The following PSD3 variants were observed in gnomAD, a reference collection of about 807,000 sequenced individuals.
The protein encoded by PSD3 is pleckstrin and Sec7 domain containing 3.
A neutral mutation model predicts 105.5 loss-of-function variants in PSD3; 49 were observed. The ratio of observed to expected loss-of-function variants is 0.46; its 90% CI spans 0.37 to 0.59. The LOEUF is 0.59. Among genes scored for constraint, PSD3 ranks in the 20% least tolerant of loss-of-function variants. The probability of loss-of-function intolerance (pLI) is 0.00; values close to 1 mark genes in which losing one functional copy is unlikely to be tolerated. For missense variants in PSD3, 1,561 were observed against 1,263.8 expected, an observed-to-expected ratio of 1.24 and a Z score of -3.57; for synonymous variants, 557 against 457.8, an observed-to-expected ratio of 1.22 and a Z score of -2.77.
At chr8:19,075,063 G>A (rs964563958) in intron 1 of PSD3, among the ~76,000 whole-genome samples, 1 of 151,286 alleles carries the variant, frequency 6.6e-6, no homozygotes, top group Non-Finnish European at 1.5e-5. Flanking sequence ...TTCCTGCCTC[G>A]GCCTCCCAAG....
intron 11 of PSD3, among the ~76,000 whole-genome samples, chr8:18,609,716 G>C (rs1031123067): frequency 6.6e-6 from 1 of 152,206 alleles, no homozygotes; most frequent in African/African-American, 2.4e-5. Flanking sequence ...CAATTGATGT[G>C]CAAAGAATTT....
chr8:18,833,211 A>G (rs1813818156), intron 4 of PSD3, among the ~76,000 whole-genome samples: 1 of 152,230 alleles, frequency 6.6e-6, no homozygotes, highest in Admixed American at 6.5e-5. Context: ...CAGGCAAGAT[A>G]ACAAGACATA....
intron 1 of PSD3, among the ~76,000 whole-genome samples, chr8:18,998,835 T>C (rs1049046011): frequency 1.3e-5 from 2 of 152,000 alleles, no homozygotes; most frequent in African/African-American, 2.4e-5. Flanking sequence ...ATAGTTATGA[T>C]ACATAAATTC....
At chr8:18,661,165 C>G (rs1809319167) in intron 9 of PSD3, among the ~76,000 whole-genome samples, 1 of 152,128 alleles carries the variant, frequency 6.6e-6, no homozygotes, top group African/African-American at 2.4e-5. Flanking sequence ...CATCTCTAAA[C>G]TCCAATGAAT....
chr8:18,929,045 A>T (rs117657706), intron 2 of PSD3, among the ~76,000 whole-genome samples: 6,111 of 152,262 alleles, frequency 0.04, 177 homozygotes, highest in South Asian at 0.063. Context: ...GCACAATTCT[A>T]TGAACGTACT....
intron 1 of PSD3, among the ~76,000 whole-genome samples, chr8:19,011,140 T>C (rs1826932206): frequency 6.6e-6 from 1 of 152,024 alleles, no homozygotes; most frequent in African/African-American, 2.4e-5. Context: ...CCAAAGACAC[T>C]CTTTTCATAA....
At chr8:18,614,101 T>A (rs968553375) in intron 11 of PSD3, among the ~76,000 whole-genome samples, 15 of 152,194 alleles carry the variant, frequency 9.9e-5, no homozygotes, top group Admixed American at 7.9e-4. Flanking sequence ...GTTTGTCATC[T>A]CTTCTTAGTT....
intron 11 of PSD3, among the ~76,000 whole-genome samples, chr8:18,622,264 C>T (rs148575262): frequency 2.0e-5 from 3 of 152,232 alleles, no homozygotes; most frequent in Non-Finnish European, 2.9e-5. Flanking sequence ...GTGATATGTC[C>T]ACACAATTAG....
intron 11 of PSD3, among the ~76,000 whole-genome samples, chr8:18,626,007 T>C (rs1806447700): frequency 6.6e-6 from 1 of 152,264 alleles, no homozygotes; most frequent in Non-Finnish European, 1.5e-5. Flanking sequence ...TTGTTTTTTA[T>C]TGTATCTGAC....
At position 18,534,285 on chromosome 8, in the gene PSD3, A is replaced by G. The variant is rs1799744470; in HGVS notation, c.*1458T>C. The G allele has an allele frequency of 6.6e-6, 1 of 152,608 alleles. No homozygotes were observed. The highest frequency in any genetic ancestry group is 1.5e-5 in the Non-Finnish European group (1 of 68,032). The allele number at this position is 152,608 out of a possible 1,614,324, so 9.5% of individuals were successfully genotyped here. ...TTCTGAAGTTGTGCCACTTGCGGAG[A>G]TTTTAACTTTAGGGATTACAGAGTT... On this transcript the variant is annotated 3_prime_UTR_variant, in exon 16 of 16. Coordinates refer to ENST00000327040, the MANE Select transcript of PSD3 (RefSeq NM_015310.4).
chr8:18,534,486 C>G lies in PSD3; in HGVS notation c.*1257G>C, dbSNP rs974680719. Reference sequence around the variant, plus strand: ...ATTTTGAGTAGACAGAAAGAAAGGACTGAAAATAGATGAAGTATTTTTAGG... The same window carrying G: ...ATTTTGAGTAGACAGAAAGAAAGGAGTGAAAATAGATGAAGTATTTTTAGG... On this transcript the variant is annotated 3_prime_UTR_variant, in exon 16 of 16. Transcript: ENST00000327040. The G allele has an allele frequency of 1.3e-5, 2 of 152,470 alleles. No homozygotes were observed. Among genetic ancestry groups the G allele is most frequent in the Non-Finnish European group, 2.9e-5 (2 of 68,026 alleles). The allele number at this position is 152,470 out of a possible 1,614,324, so 9.4% of individuals were successfully genotyped here.
At position 18,925,406 on chromosome 8, in the gene PSD3, T is replaced by TATAC. The variant is rs547475253; in HGVS notation, c.130+10627_130+10628insGTAT. On this transcript the variant is annotated intron_variant, in intron 2 of 15. Coordinates refer to ENST00000327040, the MANE Select transcript of PSD3 (RefSeq NM_015310.4). ...CTCTAAAAGTATATATATATATATA[T>TATAC]ACACACACACACATATACATATAAT... Among the ~76,000 whole-genome samples, 1,270 of 151,234 alleles carry TATAC rather than the reference T, an allele frequency of 8.4e-3. 16 individuals carry two copies. Among genetic ancestry groups the TATAC allele is most frequent in the African/African-American group, 0.03 (1,221 of 41,162 alleles).
chr8:18,560,089 G>A (rs1304907649), intron 14 of PSD3, among the ~76,000 whole-genome samples: 1 of 151,924 alleles, frequency 6.6e-6, no homozygotes, highest in Middle Eastern at 3.2e-3. Flanking sequence ...CAGTGAAATA[G>A]AAATGCCAAG....
chr8:18,765,974 A>C (rs1272871724), intron 8 of PSD3, among the ~76,000 whole-genome samples: 10 of 146,970 alleles, frequency 6.8e-5, no homozygotes, highest in African/African-American at 2.3e-4. Context: ...TCTCAAAAAA[A>C]AAAACCAAAA....
At chr8:18,765,922 G>A (rs1486136377) in intron 8 of PSD3, among the ~76,000 whole-genome samples, 2 of 148,246 alleles carry the variant, frequency 1.3e-5, no homozygotes, top group African/African-American at 5.0e-5. Flanking sequence ...GAGCGGAGAT[G>A]GTGCCACTGC....
At chr8:19,009,288 T>C (rs1194541752) in intron 1 of PSD3, among the ~76,000 whole-genome samples, 1 of 152,208 alleles carries the variant, frequency 6.6e-6, no homozygotes, top group Non-Finnish European at 1.5e-5. Context: ...ATAATCTAAA[T>C]ATTAGAGCCA....
intron 4 of PSD3, among the ~76,000 whole-genome samples, chr8:18,842,381 C>A (rs1210044512): frequency 6.6e-6 from 1 of 152,222 alleles, no homozygotes; most frequent in African/African-American, 2.4e-5. Context: ...ATGGGAAAAA[C>A]AATTTTGGTT....
intron 1 of PSD3, among the ~76,000 whole-genome samples, chr8:19,054,660 G>GAATTTATTT (rs1828648453): frequency 6.6e-6 from 1 of 151,928 alleles, no homozygotes; most frequent in Admixed American, 6.6e-5. Context: ...TCATATTTTT[G>GAATTTATTT]GTAAACTTCA....
chr8:18,819,072 C>T (rs1405558214), intron 4 of PSD3, among the ~76,000 whole-genome samples: 1 of 49,950 alleles, frequency 2.0e-5, no homozygotes, highest in Non-Finnish European at 6.3e-5. Context: ...AACTTCCCGG[C>T]AAGACTACCT....
Sources: allele counts gnomAD v4.1 joint callset (sites outside exome capture counted in the v4.1 genomes callset), GRCh38; gene constraint gnomAD v4.1.1; transcripts MANE v1.5; gene names NCBI Gene and HGNC (gene_info 2026-07-23, HGNC 2026-07-21).